The following SOS2 variants were observed in gnomAD, a reference collection of about 807,000 sequenced individuals.
SOS2 encodes the protein SOS Ras/Rho guanine nucleotide exchange factor 2, also known as son of sevenless homolog 2.
SOS2 carries 65 observed loss-of-function variants against 148.2 expected under a neutral mutation model. The ratio of observed to expected loss-of-function variants is 0.44; its 90% confidence interval spans 0.36 to 0.54. The LOEUF (loss-of-function observed/expected upper bound fraction) is 0.54, where lower values mean the gene tolerates loss of function less well. SOS2 is among the 20% of genes least tolerant of loss of function. The probability of loss-of-function intolerance (pLI) is 0.00; values close to 1 mark genes in which losing one functional copy is unlikely to be tolerated. For missense variants in SOS2, 1,341 were observed against 1,590.2 expected, an observed-to-expected ratio of 0.84 and a Z score of 2.67; for synonymous variants, 539 against 537.1, an observed-to-expected ratio of 1.00 and a Z score of -0.05.
intron 12 of SOS2, among the ~76,000 whole-genome samples, chr14:50,154,638 G>C (rs1291688447): frequency 6.6e-6 from 1 of 152,046 alleles, no homozygotes; most frequent in Non-Finnish European, 1.5e-5. Flanking sequence ...ACACAACCTC[G>C]CAATAAAATA....
chr14:50,121,525 TG>T lies in SOS2; in HGVS notation c.3380-1142del, dbSNP rs199712037. 3.9e-3 allele frequency among the ~76,000 whole-genome samples: 55 copies of T among 14,202 alleles called. 5 individuals are homozygous for T. The highest frequency in any genetic ancestry group is 0.019 in the East Asian group (6 of 316). The allele number at this position is 14,202 out of a possible 152,430, so 9.3% of individuals were successfully genotyped here. ...ATCATGTGGCTCTGCAGTTACTTCC[TG>T]GGGGAGGGGGGGGAGTCCTGTTGAC... On this transcript the variant is annotated intron_variant, in intron 21 of 22. Coordinates refer to ENST00000216373, the MANE Select transcript of SOS2 (RefSeq NM_006939.4).
chr14:50,127,421 C>T (rs967918176), intron 21 of SOS2, among the ~76,000 whole-genome samples: 1 of 152,110 alleles, frequency 6.6e-6, no homozygotes, highest in Non-Finnish European at 1.5e-5. Flanking sequence ...GGATTACAGT[C>T]GTGAGCCACC....
At chr14:50,147,334 C>A (rs1158094463) in intron 14 of SOS2, among the ~76,000 whole-genome samples, 1 of 151,760 alleles carries the variant, frequency 6.6e-6, no homozygotes, top group African/African-American at 2.4e-5. Flanking sequence ...ATAGCAAGAC[C>A]TCATCTCTAT....
chr14:50,122,955 C>T (rs892926225), intron 21 of SOS2, among the ~76,000 whole-genome samples: 3 of 152,158 alleles, frequency 2.0e-5, no homozygotes, highest in African/African-American at 7.2e-5. Flanking sequence ...AGCAATATAA[C>T]CGTGAACAAA....
chr14:50,213,732 T>C (rs1886958678), intron 1 of SOS2, among the ~76,000 whole-genome samples: 2 of 149,590 alleles, frequency 1.3e-5, no homozygotes, highest in South Asian at 2.1e-4. Flanking sequence ...AAACTTTGAA[T>C]ATTAATCCAA....
At chr14:50,167,705 T>C (rs547618430) in intron 8 of SOS2, among the ~76,000 whole-genome samples, 1 of 151,898 alleles carries the variant, frequency 6.6e-6, no homozygotes, top group African/African-American at 2.4e-5. Flanking sequence ...CCAGTCTCTA[T>C]CAAACAATAC....
rs1373705650 is a variant in SOS2 at position 50,188,485 on chromosome 14, A to G, written c.714+12T>C. The G allele has an allele frequency of 1.9e-6, 3 of 1,571,472 alleles. No individual in the cohort carries two copies. The highest frequency in any genetic ancestry group is 2.6e-6 in the Non-Finnish European group (3 of 1,152,854). The stretch of plus-strand genomic sequence containing the variant: ...GGGGTACACAGAATTTCAAACCCAA[A>G]AAGGTACTTACAGAAGGTTTAAACA... On this transcript the variant is annotated intron_variant, in intron 5 of 22. Coordinates refer to ENST00000216373, the MANE Select transcript of SOS2 (RefSeq NM_006939.4).
intron 13 of SOS2, among the ~76,000 whole-genome samples, chr14:50,150,909 C>T (rs1216337752): frequency 6.6e-6 from 1 of 152,040 alleles, no homozygotes. Context: ...ATTTTTAGTA[C>T]AGACAGGGTT....
chr14:50,164,817 C>A (rs1168926737), intron 8 of SOS2, among the ~76,000 whole-genome samples: 3 of 152,106 alleles, frequency 2.0e-5, no homozygotes, highest in African/African-American at 7.2e-5. Flanking sequence ...TCTGATTATG[C>A]CTTTTCCCTC....
At chr14:50,224,336 C>T (rs1439046704) in intron 1 of SOS2, among the ~76,000 whole-genome samples, 3 of 144,916 alleles carry the variant, frequency 2.1e-5, no homozygotes, top group Admixed American at 7.0e-5. Flanking sequence ...CACACACACA[C>T]ACACACACAC....
chr14:50,134,300 A>T, intron 18 of SOS2, 61 bp from the exon 19 acceptor site: 5 of 783,200 alleles, frequency 6.4e-6, no homozygotes, highest in Non-Finnish European at 1.0e-5. Flanking sequence ...GATCTTATTA[A>T]AATAAGATCT....
intron 1 of SOS2, among the ~76,000 whole-genome samples, chr14:50,218,527 AAAAAAAACAAAAACAAAAAC>A (rs1887106238): frequency 6.6e-6 from 1 of 152,016 alleles, no homozygotes; most frequent in South Asian, 2.1e-4. Context: ...CATCCCCCCA[AAAAAAAACAAAAACAAAAAC>A]AAAAAAACAA....
At chr14:50,172,030 A>T (rs1885382849) in intron 8 of SOS2, among the ~76,000 whole-genome samples, 1 of 152,200 alleles carries the variant, frequency 6.6e-6, no homozygotes, top group Non-Finnish European at 1.5e-5. Context: ...TTTAATTTAA[A>T]AGGTAATGCC....
intron 21 of SOS2, 92 bp from the exon 22 acceptor site, chr14:50,120,476 G>T: frequency 1.5e-6 from 1 of 681,982 alleles, no homozygotes; most frequent in South Asian, 1.7e-5. Flanking sequence ...CATGGCATTT[G>T]TCAGACTGTA....
intron 1 of SOS2, chr14:50,215,503 T>C: frequency 8.1e-7 from 1 of 1,233,056 alleles, no homozygotes; most frequent in South Asian, 1.4e-5. Context: ...GAAAGCCTAG[T>C]CAGAAAAAGA....
At chr14:50,146,148 A>AAAG (rs1566826154) in intron 14 of SOS2, among the ~76,000 whole-genome samples, 3 of 146,068 alleles carry the variant, frequency 2.1e-5, no homozygotes, top group Admixed American at 6.8e-5. Flanking sequence ...AAAAAAAAAA[A>AAAG]AAAAAAAGAA....
At position 50,172,430 on chromosome 14, in the gene SOS2, TTTTC is replaced by T. The variant is rs947192874; in HGVS notation, c.1068+2020_1068+2023del. Among the ~76,000 whole-genome samples, 10 of 139,756 alleles carry T rather than the reference TTTTC, an allele frequency of 7.2e-5. 1 individual carries two copies. In the South Asian group the frequency reaches 1.4e-3, roughly 19 times the overall value. 91.7% of individuals were successfully genotyped at this position (139,756 alleles called of 152,430 possible). A position where few individuals can be genotyped will look rare whatever the true frequency, so the allele number is the denominator to read the frequency against. ...CTCTTTATTCATTCCTTTTTTTTTT[TTTTC>T]TGAGATGGAGTCTCGCTCTGTTGTC... On this transcript the variant is annotated intron_variant, in intron 8 of 22. Transcript: ENST00000216373.
chr14:50,164,063 G>A (rs1885093678), intron 8 of SOS2, among the ~76,000 whole-genome samples: 1 of 152,184 alleles, frequency 6.6e-6, no homozygotes, highest in African/African-American at 2.4e-5. Context: ...ATTTTCAGCA[G>A]TGAGATTTGA....
chr14:50,149,524 G>C (rs1280518458), intron 14 of SOS2, among the ~76,000 whole-genome samples: 1 of 152,182 alleles, frequency 6.6e-6, no homozygotes, highest in Non-Finnish European at 1.5e-5. Flanking sequence ...GGAAAACAGA[G>C]AGGTTGGTGT....
Sources: gnomAD v4.1 joint callset for allele counts (sites outside exome capture counted in the v4.1 genomes callset) on GRCh38, gnomAD v4.1.1 for gene constraint, MANE v1.5 for transcripts, NCBI Gene and HGNC (gene_info 2026-07-23, HGNC 2026-07-21) for gene names.